JPH1: variants seen among roughly 807,000 people sequenced by gnomAD.
The protein encoded by JPH1 is junctophilin 1, also known as junctophilin-1.
In JPH1, 12 loss-of-function variants were observed where a neutral mutation model predicts 53.6. The ratio of observed to expected loss-of-function variants is 0.22; its 90% confidence interval spans 0.14 to 0.36. JPH1 has a LOEUF of 0.36. JPH1 is among the 10% of genes least tolerant of loss of function. The probability of loss-of-function intolerance (pLI) is 1.00; values close to 1 mark genes in which losing one functional copy is unlikely to be tolerated. For missense variants in JPH1, 808 were observed against 905.5 expected, an observed-to-expected ratio of 0.89 and a Z score of 1.38; for synonymous variants, 375 against 363.8, an observed-to-expected ratio of 1.03 and a Z score of -0.35.
intron 2 of JPH1, among the ~76,000 whole-genome samples, chr8:74,272,850 C>T (rs7816546): frequency 0.069 from 10,451 of 151,824 alleles, 850 homozygotes; most frequent in African/African-American, 0.2. Context: ...GTGATCCGCC[C>T]GTCTCGGCCT....
chr8:74,313,218 G>T (rs1808047007), intron 2 of JPH1, among the ~76,000 whole-genome samples: 1 of 152,166 alleles, frequency 6.6e-6, no homozygotes. Flanking sequence ...AAAATTAGAG[G>T]TCAAGGCCTA....
chr8:74,304,760 AAAT>A (rs1807785223), intron 2 of JPH1, among the ~76,000 whole-genome samples: 1 of 152,220 alleles, frequency 6.6e-6, no homozygotes, highest in Non-Finnish European at 1.5e-5. Flanking sequence ...AATTAACAAA[AAAT>A]AATAAAATTG....
At chr8:74,246,261 G>A (rs1182724670) in intron 3 of JPH1, among the ~76,000 whole-genome samples, 1 of 152,140 alleles carries the variant, frequency 6.6e-6, no homozygotes, top group Non-Finnish European at 1.5e-5. Context: ...CCACCGACAT[G>A]CTTATAGAGA....
Position 74,244,705 on chromosome 8 carries a change from A to G in JPH1, c.1729T>C (p.Ser577Pro). 2 of 1,614,138 alleles carry G rather than the reference A, an allele frequency of 1.2e-6. No homozygotes were observed. Among genetic ancestry groups the G allele is most frequent in the Non-Finnish European group, 8.5e-7 (1 of 1,180,028 alleles). Residue 577 changes from serine (S) to proline (P), a missense_variant, in exon 4 of 6, where the codon TCC becomes CCC. Physicochemically the swap from Ser to Pro is moderately conservative, Grantham distance 74. Around this residue, in one of 2 missense-constraint regions of JPH1, gnomAD observed 756 missense variants for 811.9 expected, o/e 0.93. Coordinates refer to ENST00000342232, the MANE Select transcript of JPH1 (RefSeq NM_020647.4). The part of the protein sequence containing the change: ...VEDGDGSSQS[S>P]SALVHKPSAN... ...GATGGCTTGTGCACCAGTGCTGAGG[A>G]AGACTGGCTGGATCCATCGCCGTCC...
chr8:74,317,196 T>C (rs980684123), intron 1 of JPH1, among the ~76,000 whole-genome samples: 2 of 152,220 alleles, frequency 1.3e-5, no homozygotes, highest in Non-Finnish European at 2.9e-5. Flanking sequence ...CCATAATGAC[T>C]CCCAAGTCAA....
At chr8:74,318,996 T>C (rs1808239297) in intron 1 of JPH1, among the ~76,000 whole-genome samples, 1 of 152,120 alleles carries the variant, frequency 6.6e-6, no homozygotes. Context: ...ATATTAGATT[T>C]TTTTTTTTGG....
At chr8:74,313,787 A>G (rs1808062197) in intron 2 of JPH1, among the ~76,000 whole-genome samples, 1 of 152,220 alleles carries the variant, frequency 6.6e-6, no homozygotes, top group Non-Finnish European at 1.5e-5. Context: ...AGGATTTTTA[A>G]TATTCTATGC....
chr8:74,237,299 G>C lies in JPH1; in HGVS notation c.1910C>G (p.Pro637Arg), dbSNP rs1563389121. The C allele has an allele frequency of 1.2e-6, 2 of 1,610,900 alleles. No homozygotes were observed. Among genetic ancestry groups the C allele is most frequent in the Non-Finnish European group, 1.7e-6 (2 of 1,178,634 alleles). The change falls in exon 5 of 6, where the codon CCT (proline) becomes CGT (arginine). Residue 637 changes from proline to arginine, a missense_variant. Physicochemically the swap from Pro to Arg is moderately radical, Grantham distance 103 (BLOSUM62 -2). This residue lies in a region of JPH1 where 756 missense variants were observed against 811.9 expected (regional missense o/e 0.93). Transcript: ENST00000342232. ...GACAAGGACAATCATGATTGAATTA[G>C]GGCCCTGAAAATGAAAGAGAACAAA... Reference protein sequence around the residue: ...PALEKEANSGPNSIMIVLVML... With the variant: ...PALEKEANSGRNSIMIVLVML...
intron 2 of JPH1, among the ~76,000 whole-genome samples, chr8:74,304,809 G>T (rs183742408): frequency 1.8e-3 from 267 of 152,280 alleles, no homozygotes; most frequent in Non-Finnish European, 2.7e-3. Flanking sequence ...CATTAAAAGT[G>T]ATAGAAAGTG....
intron 3 of JPH1, among the ~76,000 whole-genome samples, chr8:74,258,096 C>T (rs564619843): frequency 1.3e-5 from 2 of 152,242 alleles, no homozygotes; most frequent in South Asian, 2.1e-4. Flanking sequence ...CTCAGTGATA[C>T]CCTGTGGGTT....
intron 3 of JPH1, among the ~76,000 whole-genome samples, chr8:74,249,033 TG>T (rs1805954665): frequency 6.6e-6 from 1 of 152,202 alleles, no homozygotes; most frequent in Non-Finnish European, 1.5e-5. Context: ...CTCACGGACA[TG>T]GCTGCCACAC....
chr8:74,245,306 T>C, intron 3 of JPH1, 131 bp from the exon 4 acceptor site: 1 of 767,726 alleles, frequency 1.3e-6, no homozygotes, highest in Non-Finnish European at 1.9e-6. Context: ...CATATTTCAT[T>C]CTCTGGGGAA....
intron 2 of JPH1, among the ~76,000 whole-genome samples, chr8:74,267,993 T>C (rs936685809): frequency 6.6e-6 from 1 of 152,188 alleles, no homozygotes; most frequent in Non-Finnish European, 1.5e-5. Flanking sequence ...ACCTAAAGTG[T>C]TGTGGGCTTT....
intron 4 of JPH1, among the ~76,000 whole-genome samples, chr8:74,239,493 T>G (rs1805633216): frequency 6.6e-6 from 1 of 152,206 alleles, no homozygotes; most frequent in Non-Finnish European, 1.5e-5. Context: ...TTAGAATAGT[T>G]GTAATTCTAA....
At chr8:74,292,152 T>C (rs1258358250) in intron 2 of JPH1, among the ~76,000 whole-genome samples, 1 of 152,192 alleles carries the variant, frequency 6.6e-6, no homozygotes, top group Admixed American at 6.5e-5. Flanking sequence ...TGTGCACATG[T>C]ACCCTAGAAC....
intron 4 of JPH1, among the ~76,000 whole-genome samples, chr8:74,242,026 C>A (rs562013917): frequency 1.3e-5 from 2 of 152,170 alleles, no homozygotes; most frequent in South Asian, 2.1e-4. Context: ...TGAGTCCATA[C>A]GCAACCATTG....
intron 2 of JPH1, among the ~76,000 whole-genome samples, chr8:74,275,511 T>G (rs141903014): frequency 6.6e-6 from 1 of 152,248 alleles, no homozygotes; most frequent in African/African-American, 2.4e-5. Flanking sequence ...TTCTTTTAAG[T>G]AAGAAAATTA....
At chr8:74,313,940 C>T (rs918801417) in intron 2 of JPH1, among the ~76,000 whole-genome samples, 1 of 152,136 alleles carries the variant, frequency 6.6e-6, no homozygotes, top group Non-Finnish European at 1.5e-5. Flanking sequence ...ACTTTATTCC[C>T]AATAGATTTT....
chr8:74,293,140 TC>T (rs1300445300), intron 2 of JPH1, among the ~76,000 whole-genome samples: 1 of 152,162 alleles, frequency 6.6e-6, no homozygotes, highest in Admixed American at 6.5e-5. Context: ...TGTACAGCTA[TC>T]TTTCTCAGAG....
Sources: allele counts gnomAD v4.1 joint callset (sites outside exome capture counted in the v4.1 genomes callset), GRCh38; gene constraint gnomAD v4.1.1; regional missense constraint gnomAD v4.1.1; transcripts MANE v1.5; gene names NCBI Gene and HGNC (gene_info 2026-07-23, HGNC 2026-07-21).